GBA2: variants seen among roughly 807,000 people sequenced by gnomAD.
GBA2 encodes non-lysosomal glucosylceramidase.
In GBA2, 79 loss-of-function variants were observed where a neutral mutation model predicts 112.9. That is an observed-to-expected ratio of 0.70 (90% CI 0.58 to 0.84). The LOEUF (loss-of-function observed/expected upper bound fraction) is 0.84, where lower values mean the gene tolerates loss of function less well. Among genes scored for constraint, GBA2 ranks in the 40% least tolerant of loss-of-function variants. GBA2 has a pLI of 0.00. For missense variants in GBA2, 1,043 were observed against 1,190.0 expected, an observed-to-expected ratio of 0.88 and a Z score of 1.82; for synonymous variants, 403 against 434.3, an observed-to-expected ratio of 0.93 and a Z score of 0.90.
In GBA2 at chr9:35,741,480, T is replaced by C; in HGVS notation, c.786+192A>G. The C allele has an allele frequency of 1.7e-6, 1 of 585,886 alleles. No homozygotes were observed. Among genetic ancestry groups the C allele is most frequent in the South Asian group, 2.0e-5 (1 of 50,056 alleles). The allele number at this position is 585,886 out of a possible 1,614,324, so 36.3% of individuals were successfully genotyped here. A position where few individuals can be genotyped will look rare whatever the true frequency, so the allele number is the denominator to read the frequency against. On this transcript the variant is annotated intron_variant, in intron 4 of 16. Coordinates refer to ENST00000378103, the MANE Select transcript of GBA2 (RefSeq NM_020944.3). The surrounding 1 kb of genome is among the most constrained non-coding windows in gnomAD (Gnocchi z 4.6). ...CAGCTAATTTTTTTTTTTGTATTTT[T>C]AGTAGATATGGGGTTTCACGTGTTA...
At chr9:35,742,986 C>T (rs1027813435) in intron 3 of GBA2, among the ~76,000 whole-genome samples, 1 of 152,158 alleles carries the variant, frequency 6.6e-6, no homozygotes, top group Non-Finnish European at 1.5e-5. Context: ...TACTGTACGG[C>T]ACAACAAGGG....
At chr9:35,742,170 G>T in intron 3 of GBA2, 1 of 508,216 alleles carries the variant, frequency 2.0e-6, no homozygotes, top group Non-Finnish European at 3.6e-6. Context: ...CTGGGTAGCA[G>T]AGTGATCTTT....
At position 35,744,239 on chromosome 9, in the gene GBA2, T is replaced by C. The variant is rs555133024; in HGVS notation, c.567+58A>G. 4.0e-4 allele frequency: 367 copies of C among 914,962 alleles called. 4 individuals carry two copies. Among genetic ancestry groups the C allele is most frequent in the South Asian group, 2.5e-3 (185 of 75,350 alleles). 56.7% of individuals were successfully genotyped at this position (914,962 alleles called of 1,614,324 possible). ...GCTACCTTCTACACTAGCCAAGAGG[T>C]CCTTCCTTCTTGGCCTGGGGAGGTA... On this transcript the variant is annotated intron_variant, in intron 3 of 16. Transcript: ENST00000378103.
Position 35,737,812 on chromosome 9 carries a change from C to T in GBA2, c.2441G>A (p.Ser814Asn), listed in dbSNP as rs1826321793. The T allele has an allele frequency of 6.2e-7, 1 of 1,614,080 alleles. No individual in the cohort carries two copies. The highest frequency in any genetic ancestry group is 8.5e-7 in the Non-Finnish European group (1 of 1,179,998). ...MQPHGVPDKSSVQSDEVWVGV... is the reference protein window; with the variant it reads ...MQPHGVPDKSNVQSDEVWVGV... ...CACCCAGACTTCATCAGACTGCACACTGGATTTATCAGGGACACCATGGGG... is the reference window on the plus strand; with the variant it reads ...CACCCAGACTTCATCAGACTGCACATTGGATTTATCAGGGACACCATGGGG... The change falls in exon 16 of 17, where the codon AGT (serine) becomes AAT (asparagine). Residue 814 changes from serine (S) to asparagine (N), a missense_variant. Coordinates refer to ENST00000378103, the MANE Select transcript of GBA2 (RefSeq NM_020944.3). The surrounding 1 kb of genome is among the most constrained non-coding windows in gnomAD (Gnocchi z 4.1).
Position 35,740,380 on chromosome 9 carries a change from G to T in GBA2, c.1130-18C>A, listed in dbSNP as rs1293404472. ...GCTTTGGCCTGAGAGAAACACAAGA[G>T]AATTCAGGACAGGAGCCCCTTCAGC... On this transcript the variant is annotated intron_variant, in intron 6 of 16. Transcript: ENST00000378103. This position sits in a 1 kb window ranked among gnomAD's most constrained non-coding sequence, Gnocchi z 4.7. 6.2e-7 allele frequency: 1 copy of T among 1,611,192 alleles called. No homozygotes were observed. The highest frequency in any genetic ancestry group is 1.1e-5 in the South Asian group (1 of 91,010).
chr9:35,742,106 G>C, intron 3 of GBA2: 1 of 593,440 alleles, frequency 1.7e-6, no homozygotes, highest in Non-Finnish European at 3.0e-6. Flanking sequence ...CACTACGGTG[G>C]TGTTAGCACC....
At position 35,739,739 on chromosome 9, in the gene GBA2, CT is replaced by C; in HGVS notation, c.1470del (p.Gly491AlafsTer81). On this transcript the variant is annotated frameshift_variant, in exon 9 of 17. Coordinates refer to ENST00000378103, the MANE Select transcript of GBA2 (RefSeq NM_020944.3). LOFTEE classifies it high-confidence loss of function. ...TCAAGAACTTCCAGCCACACTGTGCCTCCATCAGCCAGGAAGTATAGTTCAT... is the reference window on the plus strand; with the variant it reads ...TCAAGAACTTCCAGCCACACTGTGCCCCATCAGCCAGGAAGTATAGTTCAT... ...LFNELYFLAD[G>X]GTVWLEVLED... 6.2e-7 allele frequency: 1 copy of C among 1,613,984 alleles called. No homozygotes were observed. Among genetic ancestry groups the C allele is most frequent in the Non-Finnish European group, 8.5e-7 (1 of 1,179,856 alleles).
chr9:35,739,605 C>T, intron 9 of GBA2, 23 bp downstream of exon 9: 1 of 1,607,096 alleles, frequency 6.2e-7, no homozygotes, highest in Non-Finnish European at 8.5e-7. Flanking sequence ...CCTGCCATAT[C>T]CCAGCCCACC....
rs910281031 is a variant in GBA2 at position 35,740,666 on chromosome 9, G to T, written c.1027-38C>A. The T allele has an allele frequency of 6.5e-7, 1 of 1,545,382 alleles. No homozygotes were observed. Among genetic ancestry groups the T allele is most frequent in the Non-Finnish European group, 8.9e-7 (1 of 1,118,202 alleles). On this transcript the variant is annotated intron_variant, in intron 5 of 16. Transcript: ENST00000378103. The surrounding 1 kb of genome is among the most constrained non-coding windows in gnomAD (Gnocchi z 4.7). ...CAGGGACTGTGAGGGCAGGCTCCAC[G>T]AGTACACTGGGTCCCGGCTAGCTCC... is the stretch of plus-strand genomic sequence containing the variant.
At position 35,741,085 on chromosome 9, in the gene GBA2, TCA is replaced by T; in HGVS notation, c.787-23_787-22del. On this transcript the variant is annotated intron_variant, in intron 4 of 16. Coordinates refer to ENST00000378103, the MANE Select transcript of GBA2 (RefSeq NM_020944.3). The surrounding 1 kb of genome is among the most constrained non-coding windows in gnomAD (Gnocchi z 4.6). ...CTGTCCTGGGGGCAGAAGATTAGAC[TCA>T]GACGGTCCCAGTAGAGCGCCTCCTG... 6.2e-7 allele frequency: 1 copy of T among 1,613,446 alleles called. No homozygotes were observed. The highest frequency in any genetic ancestry group is 8.5e-7 in the Non-Finnish European group (1 of 1,179,826).
chr9:35,748,434 C>G lies in GBA2; in HGVS notation c.271G>C (p.Ala91Pro). 1.2e-6 allele frequency: 2 copies of G among 1,614,172 alleles called. No homozygotes were observed. Among genetic ancestry groups the G allele is most frequent in the Non-Finnish European group, 1.7e-6 (2 of 1,180,014 alleles). Residue 91 changes from alanine to proline, a missense_variant, in exon 1 of 17, where the codon GCT (alanine) becomes CCT (proline). Transcript: ENST00000378103. The stretch of plus-strand genomic sequence containing the variant: ...TTCCTCTTCTCTGTAAACTCATGAG[C>G]CAGACAGATGCGCCAGCCAAAGGGA... ...VPPFGWRICL[A>P]HEFTEKRKPF...
In GBA2 at chr9:35,740,954, G is replaced by T; in HGVS notation, c.897C>A (p.Asp299Glu). The change falls in exon 5 of 17, where the codon GAC becomes GAA. Residue 299 changes from aspartate (D) to glutamate (E), a missense_variant. Physicochemically the swap from Asp to Glu is conservative, Grantham distance 45. Coordinates refer to ENST00000378103, the MANE Select transcript of GBA2 (RefSeq NM_020944.3). The surrounding 1 kb of genome is among the most constrained non-coding windows in gnomAD (Gnocchi z 4.7). ...FSMRNGLGGG[D>E]DAPGGLWNEP... ...CATTCCACAAACCCCCTGGGGCATC[G>T]TCTCCACCACCCAGTCCATTCCGCA... is the stretch of plus-strand genomic sequence containing the variant. The T allele has an allele frequency of 6.2e-7, 1 of 1,614,132 alleles. No homozygotes were observed. Among genetic ancestry groups the T allele is most frequent in the Non-Finnish European group, 8.5e-7 (1 of 1,179,986 alleles).
chr9:35,745,351 C>T (rs1826918798), intron 1 of GBA2, among the ~76,000 whole-genome samples: 1 of 152,032 alleles, frequency 6.6e-6, no homozygotes, highest in Non-Finnish European at 1.5e-5. Context: ...TCTTGAACTC[C>T]TGACCTCAGG....
At chr9:35,745,185 C>T (rs192277958) in intron 1 of GBA2, among the ~76,000 whole-genome samples, 108 of 152,086 alleles carry the variant, frequency 7.1e-4, no homozygotes, top group Non-Finnish European at 1.4e-3. Flanking sequence ...TGCAGTGGCT[C>T]GGTCTTGGCT....
In GBA2 at chr9:35,740,989, T is replaced by C. The variant is rs1333877655; in HGVS notation, c.862A>G (p.Met288Val). ...CCCAGTCCATTCCGCATGGAGAACATGATGGACACATCTAGAGCTTCGTCC... is the reference window on the plus strand; with the variant it reads ...CCCAGTCCATTCCGCATGGAGAACACGATGGACACATCTAGAGCTTCGTCC... The part of the protein sequence containing the change: ...EGDEALDVSI[M>V]FSMRNGLGGG... Residue 288 changes from methionine to valine, a missense_variant, in exon 5 of 17, where the codon ATG becomes GTG. Met to Val is a conservative substitution (Grantham distance 21, BLOSUM62 1). Transcript: ENST00000378103. This position sits in a 1 kb window ranked among gnomAD's most constrained non-coding sequence, Gnocchi z 4.7. 6.2e-7 allele frequency: 1 copy of C among 1,614,008 alleles called. No homozygotes were observed. Among genetic ancestry groups the C allele is most frequent in the Non-Finnish European group, 8.5e-7 (1 of 1,179,870 alleles).
chr9:35,738,309 CCA>C lies in GBA2; in HGVS notation c.2118_2119del (p.Cys706TrpfsTer8). On this transcript the variant is annotated frameshift_variant, in exon 14 of 17. Coordinates refer to ENST00000378103, the MANE Select transcript of GBA2 (RefSeq NM_020944.3). LOFTEE classifies it high-confidence loss of function. ...AAACTTATCCTGGATGTCCTGTGCC[CCA>C]CACAGAGCAGCCATCTGGACCATCA... The C allele has an allele frequency of 6.2e-7, 1 of 1,614,084 alleles. No homozygotes were observed. The highest frequency in any genetic ancestry group is 8.5e-7 in the Non-Finnish European group (1 of 1,179,936).
chr9:35,743,571 A>C (rs188088427), intron 3 of GBA2, among the ~76,000 whole-genome samples: 16 of 152,298 alleles, frequency 1.1e-4, no homozygotes, highest in Non-Finnish European at 1.8e-4. Flanking sequence ...AATTGGACTA[A>C]AGATTTGCTA....
rs1288200683 is a variant in GBA2, at chr9:35,740,807, G to C, written c.1026+18C>G. On this transcript the variant is annotated intron_variant, in intron 5 of 16. Coordinates refer to ENST00000378103, the MANE Select transcript of GBA2 (RefSeq NM_020944.3). This position sits in a 1 kb window ranked among gnomAD's most constrained non-coding sequence, Gnocchi z 4.7. ...GTGGGGTTCAGGGGCTAAGGTATAGGGCAGGCTCTTTCCTTACCGTGACTC... is the reference window on the plus strand; with the variant it reads ...GTGGGGTTCAGGGGCTAAGGTATAGCGCAGGCTCTTTCCTTACCGTGACTC... 1 of 1,613,732 alleles carries C rather than the reference G, an allele frequency of 6.2e-7. No homozygotes were observed. The highest frequency in any genetic ancestry group is 2.2e-5 in the East Asian group (1 of 44,880).
Position 35,738,215 on chromosome 9 carries a change from A to G in GBA2, c.2197+17T>C, listed in dbSNP as rs766763793. 6.2e-7 allele frequency: 1 copy of G among 1,614,050 alleles called. No homozygotes were observed. Among genetic ancestry groups the G allele is most frequent in the Admixed American group, 1.7e-5 (1 of 60,024 alleles). ...CCTCTCAGCTGCCTTAAGACTACTT[A>G]GGCTCCCCGAACTCACCATTCCACA... On this transcript the variant is annotated intron_variant, in intron 14 of 16. Transcript: ENST00000378103.
Sources: allele counts gnomAD v4.1 joint callset (sites outside exome capture counted in the v4.1 genomes callset), GRCh38; gene constraint gnomAD v4.1.1; non-coding constraint Gnocchi (gnomAD v3.1); transcripts MANE v1.5; gene names NCBI Gene and HGNC (gene_info 2026-07-23, HGNC 2026-07-21).